Variants in HCN1 observed in about 807,000 individuals in gnomAD.
HCN1 encodes potassium/sodium hyperpolarization-activated cyclic nucleotide-gated channel 1.
Under a neutral mutation model 78.9 loss-of-function variants are expected in HCN1, and 13 were observed. The ratio of observed to expected loss-of-function variants is 0.16; its 90% CI spans 0.11 to 0.26. HCN1 has a LOEUF of 0.26. Among genes scored for constraint, HCN1 ranks in the 10% least tolerant of loss-of-function variants. The probability of loss-of-function intolerance (pLI) is 1.00; values close to 1 mark genes in which losing one functional copy is unlikely to be tolerated. For missense variants in HCN1, 810 were observed against 1,154.3 expected (o/e 0.70, Z 4.32); for synonymous variants, 552 against 455.5 (o/e 1.21, Z -2.70).
chr5:45,560,143 G>T (rs1472110332), intron 2 of HCN1, among the ~76,000 whole-genome samples: 6 of 152,012 alleles, frequency 3.9e-5, no homozygotes, highest in Non-Finnish European at 7.4e-5. Flanking sequence ...TGGTTTTATA[G>T]AAAACCAAAA....
intron 4 of HCN1, among the ~76,000 whole-genome samples, chr5:45,356,100 A>G (rs1009912427): frequency 7.9e-5 from 12 of 152,050 alleles, no homozygotes; most frequent in Admixed American, 6.6e-5. Context: ...AGACCGTGAA[A>G]CAAACTAGAT....
At chr5:45,338,209 C>A (rs1038392048) in intron 5 of HCN1, among the ~76,000 whole-genome samples, 1 of 152,114 alleles carries the variant, frequency 6.6e-6, no homozygotes. Context: ...TCTTTCTCTA[C>A]TTTTAGGCAA....
At chr5:45,294,683 T>C (rs930073525) in intron 6 of HCN1, among the ~76,000 whole-genome samples, 2 of 152,032 alleles carry the variant, frequency 1.3e-5, no homozygotes, top group Admixed American at 1.3e-4. Flanking sequence ...GCATTTTACT[T>C]AGTGGATAAT....
intron 1 of HCN1, among the ~76,000 whole-genome samples, chr5:45,682,228 G>A (rs1739714477): frequency 6.9e-6 from 1 of 144,754 alleles, no homozygotes; most frequent in African/African-American, 2.6e-5. Flanking sequence ...TCTTATAGCA[G>A]CTCAAAAGAA....
intron 3 of HCN1, among the ~76,000 whole-genome samples, chr5:45,452,857 T>C (rs1740950974): frequency 6.6e-6 from 1 of 152,012 alleles, no homozygotes; most frequent in Admixed American, 6.6e-5. Flanking sequence ...AAAAAAATGA[T>C]GGGTTATACA....
chr5:45,309,050 G>A (rs1452177335), intron 5 of HCN1, among the ~76,000 whole-genome samples: 1 of 152,040 alleles, frequency 6.6e-6, no homozygotes, highest in Non-Finnish European at 1.5e-5. Context: ...TTTGAGTAGT[G>A]GTTTGTACTA....
At chr5:45,549,060 G>A (rs1743297452) in intron 2 of HCN1, among the ~76,000 whole-genome samples, 1 of 151,580 alleles carries the variant, frequency 6.6e-6, no homozygotes, top group African/African-American at 2.4e-5. Context: ...TCATGAAAAT[G>A]GCCATACTGC....
At chr5:45,347,898 C>T (rs890419468) in intron 5 of HCN1, among the ~76,000 whole-genome samples, 5 of 152,092 alleles carry the variant, frequency 3.3e-5, no homozygotes, top group African/African-American at 1.2e-4. Flanking sequence ...ATTGGTGTAC[C>T]TGAAAGTGAC....
chr5:45,565,423 A>G (rs1033687652), intron 2 of HCN1, among the ~76,000 whole-genome samples: 1 of 152,124 alleles, frequency 6.6e-6, no homozygotes, highest in Non-Finnish European at 1.5e-5. Context: ...TGCCTGTTCC[A>G]CCATTAAACA....
intron 3 of HCN1, among the ~76,000 whole-genome samples, chr5:45,444,007 C>T (rs568446178): frequency 2.6e-5 from 4 of 152,238 alleles, no homozygotes; most frequent in East Asian, 1.9e-4. Flanking sequence ...ATGTACTACA[C>T]AGAGAAATGT....
chr5:45,648,924 A>G (rs1745624346), intron 1 of HCN1, among the ~76,000 whole-genome samples: 1 of 151,878 alleles, frequency 6.6e-6, no homozygotes, highest in Non-Finnish European at 1.5e-5. Flanking sequence ...GTCAACAACC[A>G]GCACTGACTC....
At chr5:45,434,118 T>A (rs1335001585) in intron 3 of HCN1, among the ~76,000 whole-genome samples, 1 of 152,234 alleles carries the variant, frequency 6.6e-6, no homozygotes, top group Admixed American at 6.5e-5. Flanking sequence ...TGCTTTTCAC[T>A]TCTCCTCTAG....
chr5:45,369,279 T>G (rs1747299748), intron 4 of HCN1, among the ~76,000 whole-genome samples: 1 of 152,122 alleles, frequency 6.6e-6, no homozygotes. Flanking sequence ...TGTATGATTG[T>G]GATAGCCTTC....
chr5:45,534,747 G>A (rs1017835579), intron 2 of HCN1, among the ~76,000 whole-genome samples: 1 of 151,844 alleles, frequency 6.6e-6, no homozygotes, highest in Non-Finnish European at 1.5e-5. Flanking sequence ...TTTGATAATA[G>A]AAGAGCTAAC....
At chr5:45,595,392 T>C (rs1466455100) in intron 2 of HCN1, among the ~76,000 whole-genome samples, 1 of 152,064 alleles carries the variant, frequency 6.6e-6, no homozygotes, top group African/African-American at 2.4e-5. Context: ...GGCTGAAGTG[T>C]AGTGGCACAA....
intron 4 of HCN1, among the ~76,000 whole-genome samples, chr5:45,388,254 G>A (rs1747967314): frequency 6.6e-6 from 1 of 152,076 alleles, no homozygotes; most frequent in Non-Finnish European, 1.5e-5. Flanking sequence ...TTCTCTGCTT[G>A]TTCCCTATGG....
intron 3 of HCN1, among the ~76,000 whole-genome samples, chr5:45,453,464 A>G (rs774274926): frequency 2.0e-5 from 3 of 152,128 alleles, no homozygotes; most frequent in Admixed American, 6.6e-5. Flanking sequence ...CCCAACACAC[A>G]CATACAAAAC....
At chr5:45,598,667 G>T (rs995339460) in intron 2 of HCN1, among the ~76,000 whole-genome samples, 2 of 152,092 alleles carry the variant, frequency 1.3e-5, no homozygotes, top group African/African-American at 4.8e-5. Flanking sequence ...CAATCTGCCT[G>T]TCTGACAAAG....
At position 45,255,126 on chromosome 5, in the gene HCN1, C is replaced by T. The variant is rs1343432029; in HGVS notation, c.*6795G>A. 6.6e-6 allele frequency: 1 copy of T among 152,188 alleles called. No homozygotes were observed. Among genetic ancestry groups the T allele is most frequent in the Non-Finnish European group, 1.5e-5 (1 of 68,040 alleles). The allele number at this position is 152,188 out of a possible 1,614,324, so 9.4% of individuals were successfully genotyped here. Reference sequence around the variant, plus strand: ...ACCTAACACATATTAGTTTTCTCTTCCCTGGTTCTAACTAGCAAGTGCCAG... The same window carrying T: ...ACCTAACACATATTAGTTTTCTCTTTCCTGGTTCTAACTAGCAAGTGCCAG... On this transcript the variant is annotated 3_prime_UTR_variant, in exon 8 of 8. Coordinates refer to ENST00000303230, the MANE Select transcript of HCN1 (RefSeq NM_021072.4).
Sources: allele counts gnomAD v4.1 joint callset (sites outside exome capture counted in the v4.1 genomes callset), GRCh38; gene constraint gnomAD v4.1.1; transcripts MANE v1.5; gene names NCBI Gene and HGNC (gene_info 2026-07-23, HGNC 2026-07-21).